BMPR2: variants seen among roughly 807,000 people sequenced by gnomAD.
BMPR2 encodes bone morphogenetic protein receptor type-2.
BMPR2 carries 29 observed loss-of-function variants against 100.8 expected under a neutral mutation model. That is an observed-to-expected ratio of 0.29 (90% confidence interval 0.21 to 0.39). The LOEUF (loss-of-function observed/expected upper bound fraction) is 0.39, where lower values mean the gene tolerates loss of function less well. Among genes scored for constraint, BMPR2 ranks in the 10% least tolerant of loss-of-function variants. The pLI is 1.00. For synonymous variants in BMPR2, 382 were observed against 442.3 expected, an observed-to-expected ratio of 0.86 and a Z score of 1.71; for missense variants, 1,011 against 1,274.5, an observed-to-expected ratio of 0.79 and a Z score of 3.15.
intron 3 of BMPR2, among the ~76,000 whole-genome samples, chr2:202,496,610 A>G (rs561830446): frequency 1.3e-5 from 2 of 152,374 alleles, no homozygotes; most frequent in East Asian, 3.9e-4. Context: ...GAAAATCCAC[A>G]TGCAAATAAA....
chr2:202,468,792 C>T (rs775237904), intron 3 of BMPR2, among the ~76,000 whole-genome samples: 12 of 151,712 alleles, frequency 7.9e-5, no homozygotes, highest in South Asian at 2.1e-4. Context: ...TGATTTTCAC[C>T]GGTAATATTA....
At chr2:202,460,729 T>C (rs950211977) in intron 1 of BMPR2, among the ~76,000 whole-genome samples, 1 of 151,816 alleles carries the variant, frequency 6.6e-6, no homozygotes, top group African/African-American at 2.4e-5. Context: ...CATGTCATCA[T>C]TTCCAAAAAA....
chr2:202,502,447 G>C (rs1228554997), intron 3 of BMPR2, among the ~76,000 whole-genome samples: 1 of 152,012 alleles, frequency 6.6e-6, no homozygotes, highest in African/African-American at 2.4e-5. Flanking sequence ...AAGAGAGGAA[G>C]AGACAAAGAA....
rs1197169851 is a variant in BMPR2 at position 202,542,453 on chromosome 2, A to G, written c.1413+6A>G. 1 of 1,613,846 alleles carries G rather than the reference A, an allele frequency of 6.2e-7. No homozygotes were observed. Among genetic ancestry groups the G allele is most frequent in the Non-Finnish European group, 8.5e-7 (1 of 1,179,834 alleles). The stretch of plus-strand genomic sequence containing the variant: ...CCTGGAAAGAAAATAGCCTGGTAAG[A>G]AAAAACTAAGTTATTAAAGAGAGGA... On this transcript the variant is annotated splice_donor_region_variant and intron_variant, in intron 10 of 12. Transcript: ENST00000374580.
At position 202,559,975 on chromosome 2, in the gene BMPR2, A is replaced by AT; in HGVS notation, c.*35dup. 1 of 1,613,090 alleles carries AT rather than the reference A, an allele frequency of 6.2e-7. No homozygotes were observed. The highest frequency in any genetic ancestry group is 2.2e-5 in the East Asian group (1 of 44,884). On this transcript the variant is annotated 3_prime_UTR_variant, in exon 13 of 13. Transcript: ENST00000374580. ...GTTTTCAAGCCTATGGAGTGAAATT[A>AT]TTTTTTGCATCATTTAAACATGCAG... is the stretch of plus-strand genomic sequence containing the variant.
chr2:202,453,065 A>C (rs2105949193), intron 1 of BMPR2, among the ~76,000 whole-genome samples: 1 of 152,322 alleles, frequency 6.6e-6, no homozygotes, highest in African/African-American at 2.4e-5. Context: ...TGGAGTTTCT[A>C]GATTATGTAG....
At chr2:202,491,935 C>T (rs971942852) in intron 3 of BMPR2, among the ~76,000 whole-genome samples, 1 of 152,152 alleles carries the variant, frequency 6.6e-6, no homozygotes, top group Non-Finnish European at 1.5e-5. Flanking sequence ...TCCCCAGGCT[C>T]CTTACAAGGA....
At chr2:202,456,917 T>G (rs1467577901) in intron 1 of BMPR2, among the ~76,000 whole-genome samples, 1 of 152,186 alleles carries the variant, frequency 6.6e-6, no homozygotes, top group Non-Finnish European at 1.5e-5. Context: ...GCTTCATATG[T>G]GGGTGTCTCT....
chr2:202,381,083 T>C (rs1690281844), intron 1 of BMPR2, among the ~76,000 whole-genome samples: 1 of 150,602 alleles, frequency 6.6e-6, no homozygotes, highest in Non-Finnish European at 1.5e-5. Context: ...CAAGTGATTC[T>C]TCTGCCTCAG....
At chr2:202,501,210 AGG>A (rs1220238277) in intron 3 of BMPR2, among the ~76,000 whole-genome samples, 1 of 152,220 alleles carries the variant, frequency 6.6e-6, no homozygotes, top group Non-Finnish European at 1.5e-5. Flanking sequence ...GCCCTCAGCA[AGG>A]AACGAATACA....
intron 3 of BMPR2, among the ~76,000 whole-genome samples, chr2:202,468,423 A>G (rs1323682139): frequency 6.6e-6 from 1 of 152,164 alleles, no homozygotes; most frequent in African/African-American, 2.4e-5. Flanking sequence ...AGCTGCAGCT[A>G]TTGTGCCACT....
chr2:202,387,600 T>C (rs1690455959), intron 1 of BMPR2, among the ~76,000 whole-genome samples: 2 of 152,252 alleles, frequency 1.3e-5, no homozygotes, highest in East Asian at 3.8e-4. Context: ...AGATATAGTC[T>C]CTTCTTTTGC....
chr2:202,502,904 T>G (rs1422954993), intron 3 of BMPR2, among the ~76,000 whole-genome samples: 1 of 152,282 alleles, frequency 6.6e-6, no homozygotes, highest in Non-Finnish European at 1.5e-5. Flanking sequence ...GGCAGCCATC[T>G]TGCTGTTACT....
intron 1 of BMPR2, among the ~76,000 whole-genome samples, chr2:202,403,330 G>T (rs1240963993): frequency 1.3e-5 from 2 of 151,868 alleles, no homozygotes; most frequent in Non-Finnish European, 2.9e-5. Flanking sequence ...CTCCCGAGTA[G>T]CTGGGACTAC....
At chr2:202,527,559 G>C (rs181202059) in intron 7 of BMPR2, among the ~76,000 whole-genome samples, 7 of 150,766 alleles carry the variant, frequency 4.6e-5, no homozygotes, top group Admixed American at 3.3e-4. Flanking sequence ...GCCGAGGCGG[G>C]TGGATCATGA....
chr2:202,514,895 T>C lies in BMPR2; in HGVS notation c.537T>C (p.Arg179=). Residue 179 remains arginine (R), a synonymous_variant, in exon 5 of 13, where the codon CGT becomes CGC. Coordinates refer to ENST00000374580, the MANE Select transcript of BMPR2 (RefSeq NM_001204.7). ...CFGYRMLTGD[R]KQGLHSMNMM... ...TGTTTCCTGTTCTTATAGGAGACCG[T>C]AAACAAGGTCTTCACAGTATGAACA... 6.2e-7 allele frequency: 1 copy of C among 1,613,740 alleles called. No individual in the cohort carries two copies. Among genetic ancestry groups the C allele is most frequent in the Admixed American group, 1.7e-5 (1 of 60,018 alleles).
At chr2:202,434,933 A>ATATATATATATATTTATT (rs1483284948) in intron 1 of BMPR2, among the ~76,000 whole-genome samples, 2 of 82,022 alleles carry the variant, frequency 2.4e-5, no homozygotes, top group African/African-American at 5.1e-5. Context: ...ATATATATAT[A>ATATATATATATATTTATT]TATTTATTTA....
chr2:202,536,207 A>G (rs907581363), intron 9 of BMPR2, among the ~76,000 whole-genome samples: 3 of 152,082 alleles, frequency 2.0e-5, no homozygotes, highest in African/African-American at 7.2e-5. Flanking sequence ...TGACCTCCCC[A>G]GGCTCAGGTG....
chr2:202,452,647 A>C (rs541170037), intron 1 of BMPR2, among the ~76,000 whole-genome samples: 1 of 152,308 alleles, frequency 6.6e-6, no homozygotes, highest in South Asian at 2.1e-4. Context: ...AGTTCTTGTT[A>C]GTGGCAAAAA....
Sources: gnomAD v4.1 joint callset for allele counts (sites outside exome capture counted in the v4.1 genomes callset) on GRCh38, gnomAD v4.1.1 for gene constraint, MANE v1.5 for transcripts, NCBI Gene and HGNC (gene_info 2026-07-23, HGNC 2026-07-21) for gene names.